PTPRN2: variants seen among roughly 807,000 people sequenced by gnomAD.
The protein encoded by PTPRN2 is protein tyrosine phosphatase receptor type N2, also known as receptor-type tyrosine-protein phosphatase N2.
Under a neutral mutation model 118.8 loss-of-function variants are expected in PTPRN2, and 74 were observed. The ratio of observed to expected loss-of-function variants is 0.62; its 90% CI spans 0.52 to 0.76. The LOEUF (loss-of-function observed/expected upper bound fraction) is 0.76, where lower values mean the gene tolerates loss of function less well. PTPRN2 is among the 30% of genes least tolerant of loss of function. The pLI is 0.00. For synonymous variants in PTPRN2, 641 were observed against 608.0 expected, an observed-to-expected ratio of 1.05 and a Z score of -0.80; for missense variants, 1,481 against 1,394.4, an observed-to-expected ratio of 1.06 and a Z score of -0.99.
chr7:158,052,880 C>G (rs1161355891), intron 11 of PTPRN2, among the ~76,000 whole-genome samples: 1 of 152,194 alleles, frequency 6.6e-6, no homozygotes, highest in East Asian at 1.9e-4. Flanking sequence ...CAGGCTGTCC[C>G]CAGCCTAGGA....
intron 2 of PTPRN2, among the ~76,000 whole-genome samples, chr7:158,402,902 G>A (rs1335993211): frequency 6.6e-6 from 1 of 152,184 alleles, no homozygotes; most frequent in African/African-American, 2.4e-5. Flanking sequence ...ATCATGGGGT[G>A]CAGGGGCAGC....
chr7:158,000,218 T>G (rs2128857827), intron 11 of PTPRN2, among the ~76,000 whole-genome samples: 1 of 152,278 alleles, frequency 6.6e-6, no homozygotes, highest in Admixed American at 6.5e-5. Flanking sequence ...ACTGCTTGCC[T>G]CACTAATAAA....
Position 157,907,515 on chromosome 7 carries a change from C to T in PTPRN2, c.1724-8778G>A, listed in dbSNP as rs139119208. Among the ~76,000 whole-genome samples the T allele has an allele frequency of 0.015, 2,269 of 147,800 alleles. 116 individuals carry two copies. The East Asian group carries it at 0.22, about 14-fold the overall frequency. ...TGGGGTGTCCTGGGTGGCAGTATCTCCCTGTCCCTTGCGTGTGGGGTGTCC... is the reference window on the plus strand; with the variant it reads ...TGGGGTGTCCTGGGTGGCAGTATCTTCCTGTCCCTTGCGTGTGGGGTGTCC... On this transcript the variant is annotated intron_variant, in intron 11 of 22. Transcript: ENST00000389418.
rs936766938 is a variant in PTPRN2, at chr7:157,917,908, C to T, written c.1724-19171G>A. Among the ~76,000 whole-genome samples the T allele has an allele frequency of 7.2e-5, 11 of 152,080 alleles. No homozygotes were observed. In the East Asian group the frequency reaches 1.9e-3, roughly 27 times the overall value. On this transcript the variant is annotated intron_variant, in intron 11 of 22. Transcript: ENST00000389418. The stretch of plus-strand genomic sequence containing the variant: ...ATAATAAGATTTTCCACCCATTTCA[C>T]GATGTAATTGGCTTTCCCAACGCAA...
At chr7:158,200,504 GA>G (rs1325988428) in intron 4 of PTPRN2, among the ~76,000 whole-genome samples, 1 of 152,018 alleles carries the variant, frequency 6.6e-6, no homozygotes, top group African/African-American at 2.4e-5. Flanking sequence ...TATAAATAAG[GA>G]CATGTTGAAG....
chr7:158,331,724 A>G (rs1453085974), intron 2 of PTPRN2, among the ~76,000 whole-genome samples: 4 of 150,690 alleles, frequency 2.7e-5, no homozygotes, highest in African/African-American at 1.0e-4. Context: ...CATTCTCACC[A>G]TAAGAGCTGA....
At chr7:157,567,839 C>G (rs111366155) in intron 21 of PTPRN2, among the ~76,000 whole-genome samples, 1 of 152,186 alleles carries the variant, frequency 6.6e-6, no homozygotes, top group South Asian at 2.1e-4. Context: ...AATGCAGACT[C>G]TTCTCAAGTA....
chr7:157,870,868 A>T (rs1467980750), intron 12 of PTPRN2, among the ~76,000 whole-genome samples: 2 of 152,238 alleles, frequency 1.3e-5, no homozygotes, highest in Non-Finnish European at 2.9e-5. Context: ...GCTGCACACC[A>T]CAGTCATCTG....
rs191363032 is a variant in PTPRN2, at chr7:158,136,610, A to G, written c.1173+45T>C. The G allele has an allele frequency of 7.6e-6, 12 of 1,588,566 alleles. No homozygotes were observed. The African/African-American group carries it at 9.4e-5, about 12-fold the overall frequency. ...CACACCATGAACAAAAAGATCACCA[A>G]CTTCCACATTTAACATGAAACAAAC... On this transcript the variant is annotated intron_variant, in intron 8 of 22. Transcript: ENST00000389418.
At chr7:157,968,774 G>T (rs1802116513) in intron 11 of PTPRN2, among the ~76,000 whole-genome samples, 1 of 152,074 alleles carries the variant, frequency 6.6e-6, no homozygotes, top group African/African-American at 2.4e-5. Context: ...TTATTTTATT[G>T]CTGTGTGTAG....
intron 16 of PTPRN2, among the ~76,000 whole-genome samples, chr7:157,600,510 T>C (rs1361065971): frequency 6.6e-6 from 1 of 152,156 alleles, no homozygotes; most frequent in African/African-American, 2.4e-5. Flanking sequence ...AACCTCTCCC[T>C]CCTGGGTTCA....
intron 11 of PTPRN2, among the ~76,000 whole-genome samples, chr7:158,077,234 C>T (rs866902005): frequency 2.0e-5 from 3 of 152,084 alleles, no homozygotes; most frequent in African/African-American, 7.2e-5. Context: ...CATGTGGACC[C>T]GCTACATATG....
rs182034769 is a variant in PTPRN2, at chr7:157,763,796, C to T, written c.1789-80859G>A. Among the ~76,000 whole-genome samples the T allele has an allele frequency of 4.9e-3, 747 of 152,136 alleles. 7 individuals are homozygous for T. Among genetic ancestry groups the T allele is most frequent in the African/African-American group, 0.017 (719 of 41,522 alleles). ...CGGCAGTGGTAGGAGGAGGCTGCAC[C>T]GGGCAGGGTTAGGGGCTGCTGGGCC... On this transcript the variant is annotated intron_variant, in intron 12 of 22. Transcript: ENST00000389418. This position sits in a 1 kb window ranked among gnomAD's most constrained non-coding sequence, Gnocchi z 4.9.
At chr7:157,723,656 A>G (rs1348364362) in intron 12 of PTPRN2, among the ~76,000 whole-genome samples, 1 of 152,190 alleles carries the variant, frequency 6.6e-6, no homozygotes, top group African/African-American at 2.4e-5. Flanking sequence ...CCACTGTGGA[A>G]GTTCTATGCA....
chr7:158,094,479 T>A (rs2150329182), intron 10 of PTPRN2, among the ~76,000 whole-genome samples: 1 of 152,180 alleles, frequency 6.6e-6, no homozygotes, highest in Non-Finnish European at 1.5e-5. Context: ...TCAGCTAATT[T>A]TTTTTTTAAA....
chr7:158,405,696 C>G (rs73729801), intron 2 of PTPRN2, among the ~76,000 whole-genome samples: 3 of 152,258 alleles, frequency 2.0e-5, no homozygotes, highest in Admixed American at 6.5e-5. Flanking sequence ...TGAAACTTAT[C>G]TGTGTGTGGA....
chr7:157,805,269 T>G (rs376031113), intron 12 of PTPRN2, among the ~76,000 whole-genome samples: 2 of 148,542 alleles, frequency 1.3e-5, no homozygotes, highest in Admixed American at 6.8e-5. Context: ...TTAAGAAGCA[T>G]AGAAAAAATA....
rs1247172398 is a variant in PTPRN2 at position 157,560,646 on chromosome 7, C to T, written c.2902+8256G>A. 6.6e-6 allele frequency among the ~76,000 whole-genome samples: 1 copy of T among 152,184 alleles called. No individual in the cohort carries two copies. Among genetic ancestry groups the T allele is most frequent in the Non-Finnish European group, 1.5e-5 (1 of 68,030 alleles). ...AATAAACAACACACAGCAGAGGAGG[C>T]CCTGCTCCTGCCCGACCGAAGGCAA... On this transcript the variant is annotated intron_variant, in intron 21 of 22. Coordinates refer to ENST00000389418, the MANE Select transcript of PTPRN2 (RefSeq NM_002847.5). The surrounding 1 kb of genome is among the most constrained non-coding windows in gnomAD (Gnocchi z 6.7).
chr7:158,330,902 G>T (rs12113853), intron 2 of PTPRN2, among the ~76,000 whole-genome samples: 2 of 68,036 alleles, frequency 2.9e-5, no homozygotes, highest in African/African-American at 5.6e-5. Flanking sequence ...CACCATAAGA[G>T]CTGACACCTG....
Sources: allele counts gnomAD v4.1 joint callset (sites outside exome capture counted in the v4.1 genomes callset), GRCh38; gene constraint gnomAD v4.1.1; non-coding constraint Gnocchi (gnomAD v3.1); transcripts MANE v1.5; gene names NCBI Gene and HGNC (gene_info 2026-07-23, HGNC 2026-07-21).